Variants in GNAI3 observed in about 807,000 individuals in gnomAD.
The protein encoded by GNAI3 is G protein subunit alpha i3.
In GNAI3, 12 loss-of-function variants were observed where a neutral mutation model predicts 41.8. The observed-to-expected ratio is 0.29, with a 90% CI of 0.18 to 0.47. The LOEUF (loss-of-function observed/expected upper bound fraction) is 0.47, where lower values mean the gene tolerates loss of function less well. GNAI3 is among the 20% of genes least tolerant of loss of function. The pLI is 1.00. For synonymous variants in GNAI3, 132 were observed against 146.5 expected (o/e 0.90, Z 0.71); for missense variants, 360 against 429.6 (o/e 0.84, Z 1.43).
chr1:109,558,345 C>G (rs1421866653), intron 1 of GNAI3, among the ~76,000 whole-genome samples: 1 of 152,092 alleles, frequency 6.6e-6, no homozygotes, highest in Non-Finnish European at 1.5e-5. Context: ...ATCGCTTGAA[C>G]CTGGGAGGCG....
At chr1:109,563,824 A>C (rs1460275180) in intron 1 of GNAI3, among the ~76,000 whole-genome samples, 1 of 152,012 alleles carries the variant, frequency 6.6e-6, no homozygotes, top group East Asian at 1.9e-4. Context: ...TGAAACAGTA[A>C]CTGATATTGG....
intron 7 of GNAI3, among the ~76,000 whole-genome samples, chr1:109,590,490 G>A (rs1319561441): frequency 6.6e-6 from 1 of 151,890 alleles, no homozygotes; most frequent in Non-Finnish European, 1.5e-5. Context: ...TACAGAGGTT[G>A]TTTTCCAGAT....
intron 1 of GNAI3, among the ~76,000 whole-genome samples, chr1:109,559,317 C>T (rs1648248178): frequency 6.6e-6 from 1 of 152,184 alleles, no homozygotes; most frequent in African/African-American, 2.4e-5. Context: ...TAATAAAACA[C>T]ATCTCTTTGA....
intron 1 of GNAI3, among the ~76,000 whole-genome samples, chr1:109,554,793 C>CT (rs1648097980): frequency 6.6e-6 from 1 of 152,076 alleles, no homozygotes; most frequent in Non-Finnish European, 1.5e-5. Context: ...AAGCCAATGG[C>CT]TAGAAGGGTT....
At chr1:109,558,080 A>G (rs1048026774) in intron 1 of GNAI3, among the ~76,000 whole-genome samples, 2 of 152,166 alleles carry the variant, frequency 1.3e-5, no homozygotes, top group Admixed American at 6.5e-5. Context: ...GTGCCTGCTC[A>G]TTCTCAATAT....
At position 109,583,600 on chromosome 1, in the gene GNAI3, G is replaced by A. The variant is rs796176982; in HGVS notation, c.590+1035G>A. Among the ~76,000 whole-genome samples, 5 of 150,442 alleles carry A rather than the reference G, an allele frequency of 3.3e-5. 1 individual carries two copies. The highest frequency in any genetic ancestry group is 1.2e-4 in the African/African-American group (5 of 41,080). Reference sequence around the variant, plus strand: ...TAGCATTAGTAATTCTTTTTTTTTTGAGATGGAGTCTTGCTCTGTTGCCAG... The same window carrying A: ...TAGCATTAGTAATTCTTTTTTTTTTAAGATGGAGTCTTGCTCTGTTGCCAG... On this transcript the variant is annotated intron_variant, in intron 5 of 8. Transcript: ENST00000369851.
intron 2 of GNAI3, 28 bp from the exon 3 acceptor site, chr1:109,573,868 T>C (rs757716770): frequency 1.2e-6 from 2 of 1,607,880 alleles, no homozygotes; most frequent in Non-Finnish European, 1.7e-6. Context: ...GTCCATGGTA[T>C]TGACTTGTGG....
In GNAI3 at chr1:109,592,715, C is replaced by T. The variant is rs1257513843; in HGVS notation, c.*393C>T. On this transcript the variant is annotated 3_prime_UTR_variant, in exon 9 of 9. Transcript: ENST00000369851. ...TTTCATCAAGAGAAGAATAACTTTACTAAATTTTATTTCTTTATTTGCAAA... is the reference window on the plus strand; with the variant it reads ...TTTCATCAAGAGAAGAATAACTTTATTAAATTTTATTTCTTTATTTGCAAA... The T allele has an allele frequency of 6.5e-6, 1 of 153,080 alleles. No homozygotes were observed. Among genetic ancestry groups the T allele is most frequent in the Non-Finnish European group, 1.5e-5 (1 of 68,400 alleles). The allele number at this position is 153,080 out of a possible 1,614,324, so 9.5% of individuals were successfully genotyped here.
At chr1:109,557,525 A>G (rs1269419842) in intron 1 of GNAI3, among the ~76,000 whole-genome samples, 2 of 152,202 alleles carry the variant, frequency 1.3e-5, no homozygotes, top group Non-Finnish European at 2.9e-5. Context: ...AAAGTAGGCA[A>G]CTTCATAGGT....
rs1255055645 is a variant in GNAI3, at chr1:109,598,717, T to C, written c.*6395T>C. ...TTAAATCCAGCTGTCTATTTTCTGC[T>C]TATACTAGTGCTTTTTCATGGCAAA... On this transcript the variant is annotated 3_prime_UTR_variant, in exon 9 of 9. Coordinates refer to ENST00000369851, the MANE Select transcript of GNAI3 (RefSeq NM_006496.4). The C allele has an allele frequency of 3.5e-6, 1 of 287,104 alleles. No homozygotes were observed. The highest frequency in any genetic ancestry group is 7.5e-6 in the Non-Finnish European group (1 of 132,594). 17.8% of individuals were successfully genotyped at this position (287,104 alleles called of 1,614,324 possible).
chr1:109,566,623 G>A lies in GNAI3; in HGVS notation c.119-7114G>A, dbSNP rs142125245. 7.9e-5 allele frequency among the ~76,000 whole-genome samples: 12 copies of A among 152,172 alleles called. No homozygotes were observed. In the East Asian group the frequency reaches 1.5e-3, roughly 20 times the overall value. On this transcript the variant is annotated intron_variant, in intron 1 of 8. Transcript: ENST00000369851. ...GTTGCCCAGGCCGGAGTGCAATGGC[G>A]CGGTCTTTGCTCACTGCAACCTCCA...
At chr1:109,548,988 T>G in intron 1 of GNAI3, 150 bp downstream of exon 1, 9 of 456,496 alleles carry the variant, frequency 2.0e-5, no homozygotes, top group South Asian at 1.5e-4. Flanking sequence ...GGTTCCTAGC[T>G]GAGGCCCCAG....
chr1:109,589,542 A>C (rs770864886), intron 7 of GNAI3, among the ~76,000 whole-genome samples: 4 of 152,226 alleles, frequency 2.6e-5, no homozygotes, highest in Non-Finnish European at 5.9e-5. Context: ...ATACATTAAA[A>C]AACAGATGTA....
At chr1:109,558,715 T>G (rs1210841783) in intron 1 of GNAI3, among the ~76,000 whole-genome samples, 1 of 100,054 alleles carries the variant, frequency 1.0e-5, no homozygotes, top group Non-Finnish European at 2.2e-5. Context: ...TGCTCCTTAT[T>G]AATAATTTGC....
Position 109,599,015 on chromosome 1 carries a change from A to G in GNAI3, c.*6693A>G. 1 of 532,186 alleles carries G rather than the reference A, an allele frequency of 1.9e-6. No individual in the cohort carries two copies. The highest frequency in any genetic ancestry group is 3.9e-6 in the Non-Finnish European group (1 of 258,106). 33.0% of individuals were successfully genotyped at this position (532,186 alleles called of 1,614,324 possible). ...ATCTCCAAGTATAGAGTGGGTTTTG[A>G]ATGCTGTTATGTCTCACCGTGGGGA... On this transcript the variant is annotated 3_prime_UTR_variant, in exon 9 of 9. Transcript: ENST00000369851.
At chr1:109,583,407 A>G (rs1401639846) in intron 5 of GNAI3, among the ~76,000 whole-genome samples, 1 of 151,810 alleles carries the variant, frequency 6.6e-6, no homozygotes, top group Non-Finnish European at 1.5e-5. Context: ...TAGAGACAGG[A>G]TCTCTCTTTA....
chr1:109,579,259 C>T lies in GNAI3; in HGVS notation c.359C>T (p.Thr120Ile). 1.2e-6 allele frequency: 2 copies of T among 1,613,322 alleles called. No homozygotes were observed. The highest frequency in any genetic ancestry group is 1.7e-6 in the Non-Finnish European group (2 of 1,179,316). ...GGCAGTGCTGAAGAAGGAGTCATGA[C>T]TCCAGAACTAGCAGGAGTGATTAAA... ...LAGSAEEGVM[T>I]PELAGVIKRL... Residue 120 changes from threonine (T) to isoleucine (I), a missense_variant, in exon 4 of 9, where the codon ACT (threonine) becomes ATT (isoleucine). By Grantham distance (89) the Thr-to-Ile change is moderately conservative. Coordinates refer to ENST00000369851, the MANE Select transcript of GNAI3 (RefSeq NM_006496.4).
In GNAI3 at chr1:109,562,991, A is replaced by G. The variant is rs544435773; in HGVS notation, c.119-10746A>G. The stretch of plus-strand genomic sequence containing the variant: ...CTGTTCCCTTTTACTCTAAATAAAT[A>G]TAGTTTTCAGTCATGTCATATATAA... On this transcript the variant is annotated intron_variant, in intron 1 of 8. Transcript: ENST00000369851. Among the ~76,000 whole-genome samples, 11 of 152,348 alleles carry G rather than the reference A, an allele frequency of 7.2e-5. No individual in the cohort carries two copies. The East Asian group carries it at 2.1e-3, about 29-fold the overall frequency.
In GNAI3 at chr1:109,592,183, G is replaced by A. The variant is rs1162004404; in HGVS notation, c.1015G>A (p.Val339Ile). 1 of 1,613,038 alleles carries A rather than the reference G, an allele frequency of 6.2e-7. No individual in the cohort carries two copies. The highest frequency in any genetic ancestry group is 8.5e-7 in the Non-Finnish European group (1 of 1,179,194). The change falls in exon 8 of 9, where the codon GTT (valine) becomes ATT (isoleucine). Residue 339 changes from valine (V) to isoleucine (I), a missense_variant. Transcript: ENST00000369851. ...GAATGTGCAGTTTGTTTTTGATGCT[G>A]TTACAGATGTCATCATTAAAAACAA... Reference protein sequence around the residue: ...TKNVQFVFDAVTDVIIKNNLK... With the variant: ...TKNVQFVFDAITDVIIKNNLK...
Sources: allele counts gnomAD v4.1 joint callset (sites outside exome capture counted in the v4.1 genomes callset), GRCh38; gene constraint gnomAD v4.1.1; transcripts MANE v1.5; gene names NCBI Gene and HGNC (gene_info 2026-07-23, HGNC 2026-07-21).